The following POLA2 variants were observed in gnomAD, a reference collection of about 807,000 sequenced individuals.
The protein encoded by POLA2 is DNA polymerase alpha 2, accessory subunit, also known as DNA polymerase alpha subunit B.
A neutral mutation model predicts 82.8 loss-of-function variants in POLA2; 47 were observed. The ratio of observed to expected loss-of-function variants is 0.57; its 90% CI spans 0.45 to 0.72. The LOEUF (loss-of-function observed/expected upper bound fraction) is 0.72. POLA2 is among the 30% of genes least tolerant of loss of function. POLA2 has a pLI of 0.00. For synonymous variants in POLA2, 287 were observed against 286.8 expected, an observed-to-expected ratio of 1.00 and a Z score of -0.01; for missense variants, 634 against 728.1, an observed-to-expected ratio of 0.87 and a Z score of 1.49.
chr11:65,270,765 T>G (rs1258775575), intron 4 of POLA2, among the ~76,000 whole-genome samples: 1 of 152,154 alleles, frequency 6.6e-6, no homozygotes, highest in African/African-American at 2.4e-5. Context: ...TCCTAACTAG[T>G]CCATTGGCTT....
At chr11:65,292,033 A>T (rs1949760388) in intron 13 of POLA2, among the ~76,000 whole-genome samples, 1 of 152,182 alleles carries the variant, frequency 6.6e-6, no homozygotes, top group Non-Finnish European at 1.5e-5. Context: ...GAGGTCAGGA[A>T]TTCAAGACCA....
At chr11:65,294,949 T>G (rs1339278887) in intron 15 of POLA2, among the ~76,000 whole-genome samples, 1 of 151,892 alleles carries the variant, frequency 6.6e-6, no homozygotes, top group African/African-American at 2.4e-5. Flanking sequence ...TCTGCTCCCC[T>G]TTTTTTTCAT....
intron 4 of POLA2, 50 bp from the exon 5 acceptor site, chr11:65,275,842 A>G (rs1454399587): frequency 1.0e-6 from 1 of 1,001,778 alleles, no homozygotes; most frequent in Admixed American, 1.9e-5. Flanking sequence ...ACACTTAATT[A>G]GTATTGGGTC....
chr11:65,296,162 ACT>A, intron 17 of POLA2, 172 bp downstream of exon 17: 3 of 661,976 alleles, frequency 4.5e-6, no homozygotes, highest in East Asian at 5.2e-5. Flanking sequence ...AAAACAAACA[ACT>A]CTGTCAGTAA....
At chr11:65,273,855 ACT>A (rs1949547502) in intron 4 of POLA2, among the ~76,000 whole-genome samples, 2 of 151,904 alleles carry the variant, frequency 1.3e-5, no homozygotes, top group African/African-American at 4.8e-5. Context: ...GAAAAAAAAA[ACT>A]CTTCTGAAGA....
At chr11:65,262,806 T>G (rs943101269) in intron 1 of POLA2, among the ~76,000 whole-genome samples, 1 of 152,210 alleles carries the variant, frequency 6.6e-6, no homozygotes, top group African/African-American at 2.4e-5. Context: ...CCATCAGTTA[T>G]TTTATCATAG....
chr11:65,291,786 A>C (rs1949758281), intron 13 of POLA2, among the ~76,000 whole-genome samples: 1 of 152,226 alleles, frequency 6.6e-6, no homozygotes. Context: ...AGAGCCCAGC[A>C]CCACCAGGCA....
At chr11:65,276,094 C>T (rs1402763305) in intron 5 of POLA2, 96 bp downstream of exon 5, 5 of 612,434 alleles carry the variant, frequency 8.2e-6, no homozygotes, top group Middle Eastern at 5.4e-4. Flanking sequence ...TATTAATTAA[C>T]TATAGGTGGG....
At chr11:65,285,180 C>A (rs137873473) in intron 10 of POLA2, among the ~76,000 whole-genome samples, 6 of 151,912 alleles carry the variant, frequency 3.9e-5, no homozygotes, top group South Asian at 4.2e-4. Context: ...CCGAGGTGGG[C>A]GGATCACACG....
chr11:65,270,566 C>T (rs1326507937), intron 4 of POLA2, among the ~76,000 whole-genome samples: 1 of 152,190 alleles, frequency 6.6e-6, no homozygotes. Context: ...CAGTGAAGGA[C>T]ACCTCCGTTC....
intron 7 of POLA2, chr11:65,280,772 G>T (rs908527851): frequency 3.7e-6 from 2 of 535,316 alleles, no homozygotes; most frequent in Admixed American, 3.3e-5. Context: ...TCCTAGGAAG[G>T]CTCAAGTGCT....
exon 9 of POLA2, chr11:65,305,458 T>G: frequency 2.2e-6 from 1 of 451,062 alleles, no homozygotes; most frequent in South Asian, 1.6e-5. Context: ...GTTGACTGTG[T>G]GGGGGCCTGG....
chr11:65,268,854 A>G lies in POLA2; in HGVS notation c.354+125A>G, dbSNP rs551635681. The G allele has an allele frequency of 2.5e-4, 142 of 575,876 alleles. No individual in the cohort carries two copies. In the African/African-American group the frequency reaches 2.7e-3, roughly 11 times the overall value. 35.7% of individuals were successfully genotyped at this position (575,876 alleles called of 1,614,324 possible). A position where few individuals can be genotyped will look rare whatever the true frequency, so the allele number is the denominator to read the frequency against. On this transcript the variant is annotated intron_variant, in intron 4 of 17. Transcript: ENST00000265465. ...CATTTCCTACTATATTTCCACTTATACATCTTCCTTTCTGATCATATGTCT... is the reference window on the plus strand; with the variant it reads ...CATTTCCTACTATATTTCCACTTATGCATCTTCCTTTCTGATCATATGTCT...
intron 10 of POLA2, 160 bp from the exon 11 acceptor site, chr11:65,287,556 G>T: frequency 1.9e-6 from 1 of 536,148 alleles, no homozygotes. Flanking sequence ...AGTGTTCTTG[G>T]AGGGTGGACA....
rs1272377888 is a variant in POLA2, at chr11:65,294,171, C to T, written c.1263C>T (p.Val421=). ...EGTRSSGSHL[V]FVPSLRDVHH... ...ATACTAGCTCCGGCTCCCACCTTGT[C>T]TTTGTCCCGTCATTGAGAGATGTGC... The change falls in exon 14 of 18, where the codon GTC becomes GTT. Residue 421 remains valine, a synonymous_variant. Transcript: ENST00000265465. 1 of 1,613,994 alleles carries T rather than the reference C, an allele frequency of 6.2e-7. No homozygotes were observed. The highest frequency in any genetic ancestry group is 1.1e-5 in the South Asian group (1 of 91,084).
At position 65,279,578 on chromosome 11, in the gene POLA2, G is replaced by A. The variant is rs1168496550; in HGVS notation, c.696G>A (p.Lys232=). 1 of 1,613,830 alleles carries A rather than the reference G, an allele frequency of 6.2e-7. No homozygotes were observed. Among genetic ancestry groups the A allele is most frequent in the South Asian group, 1.1e-5 (1 of 91,016 alleles). The stretch of plus-strand genomic sequence containing the variant: ...TAGAAGAACTTGGCAGCGAACTCAA[G>A]GAACATTACAAGATTGAAGCTTTCA... ...CKIEELGSEL[K]EHYKIEAFTP... The change falls in exon 7 of 18, where the codon AAG becomes AAA. Residue 232 remains lysine, a synonymous_variant. Coordinates refer to ENST00000265465, the MANE Select transcript of POLA2 (RefSeq NM_002689.4).
intron 4 of POLA2, among the ~76,000 whole-genome samples, chr11:65,272,011 T>C (rs1191143873): frequency 6.6e-6 from 1 of 151,656 alleles, no homozygotes; most frequent in Non-Finnish European, 1.5e-5. Flanking sequence ...GGCAGCATGA[T>C]AAAATAGTCA....
At chr11:65,271,841 A>G (rs1159752365) in intron 4 of POLA2, among the ~76,000 whole-genome samples, 4 of 147,082 alleles carry the variant, frequency 2.7e-5, no homozygotes, top group Admixed American at 6.7e-5. Flanking sequence ...TCCGTCTGAA[A>G]AAAAAAAAAA....
chr11:65,286,395 C>A (rs528318761), intron 10 of POLA2, among the ~76,000 whole-genome samples: 1 of 151,838 alleles, frequency 6.6e-6, no homozygotes, highest in Admixed American at 6.6e-5. Flanking sequence ...ATAATAAATT[C>A]GTGGGCTTTT....
Sources: gnomAD v4.1 joint callset for allele counts (sites outside exome capture counted in the v4.1 genomes callset) on GRCh38, gnomAD v4.1.1 for gene constraint, MANE v1.5 for transcripts, NCBI Gene and HGNC (gene_info 2026-07-23, HGNC 2026-07-21) for gene names.